Variants in TAPT1 observed in about 807,000 individuals in gnomAD.
The protein encoded by TAPT1 is transmembrane anterior posterior transformation protein 1 homolog.
A neutral mutation model predicts 65.6 loss-of-function variants in TAPT1; 28 were observed. That is an observed-to-expected ratio of 0.43 (90% CI 0.32 to 0.59). TAPT1 has a LOEUF of 0.59. Among genes scored for constraint, TAPT1 ranks in the 20% least tolerant of loss-of-function variants. The probability of loss-of-function intolerance (pLI) is 0.09; values close to 1 mark genes in which losing one functional copy is unlikely to be tolerated. For missense variants in TAPT1, 563 were observed against 679.9 expected, an observed-to-expected ratio of 0.83 and a Z score of 1.91; for synonymous variants, 278 against 245.2, an observed-to-expected ratio of 1.13 and a Z score of -1.25.
intron 7 of TAPT1, among the ~76,000 whole-genome samples, chr4:16,180,349 T>C (rs1428579290): frequency 1.3e-5 from 2 of 152,222 alleles, no homozygotes; most frequent in African/African-American, 2.4e-5. Context: ...TAGTCTAAGA[T>C]ACCGTGTAAC....
chr4:16,166,824 G>A (rs370320387), intron 12 of TAPT1, 31 bp from the exon 13 acceptor site: 162 of 1,608,144 alleles, frequency 1.0e-4, no homozygotes, highest in Middle Eastern at 1.6e-4. Flanking sequence ...AACCACATCC[G>A]TTGGAATTCA....
At chr4:16,191,291 T>C in intron 4 of TAPT1, 70 bp downstream of exon 4, 1 of 1,458,192 alleles carries the variant, frequency 6.9e-7, no homozygotes, top group Non-Finnish European at 9.2e-7. Context: ...GACTCTCAGG[T>C]ACCTTCAGAA....
upstream of TAPT1, chr4:16,227,015 C>G (rs1460089678): frequency 6.6e-6 from 3 of 452,382 alleles, no homozygotes; most frequent in African/African-American, 2.0e-5. Flanking sequence ...GGGCCCGGCT[C>G]CAGATCACCG....
At chr4:16,197,819 A>C (rs1187482863) in intron 3 of TAPT1, among the ~76,000 whole-genome samples, 2 of 152,218 alleles carry the variant, frequency 1.3e-5, no homozygotes, top group African/African-American at 4.8e-5. Flanking sequence ...ACATAAGTGA[A>C]TCTGCTTTTA....
intron 9 of TAPT1, among the ~76,000 whole-genome samples, chr4:16,175,846 A>C (rs1383517916): frequency 6.6e-6 from 1 of 152,204 alleles, no homozygotes; most frequent in Non-Finnish European, 1.5e-5. Context: ...AAGTCTTTAA[A>C]CAGATTATGA....
intron 1 of TAPT1, among the ~76,000 whole-genome samples, chr4:16,222,953 T>TC (rs2108902851): frequency 6.6e-6 from 1 of 152,300 alleles, no homozygotes; most frequent in South Asian, 2.1e-4. Flanking sequence ...GCAATACCTA[T>TC]CCCCATGCAT....
At chr4:16,171,622 G>C (rs893370582) in intron 11 of TAPT1, among the ~76,000 whole-genome samples, 7 of 152,030 alleles carry the variant, frequency 4.6e-5, no homozygotes, top group African/African-American at 9.7e-5. Context: ...GGAAGAGCTG[G>C]GGCAATGGCT....
Position 16,188,490 on chromosome 4 carries a change from T to A in TAPT1, c.613-135A>T, listed in dbSNP as rs1578439578. ...AAGGCAAGCTAAAGAGGAGTGAGGA[T>A]CTTTGTTTACTTATTCACTCACATT... is the stretch of plus-strand genomic sequence containing the variant. On this transcript the variant is annotated intron_variant, in intron 4 of 13. Coordinates refer to ENST00000405303, the MANE Select transcript of TAPT1 (RefSeq NM_153365.3). 1.9e-5 allele frequency: 12 copies of A among 626,912 alleles called. No individual in the cohort carries two copies. The East Asian group carries it at 3.3e-4, about 17-fold the overall frequency. 38.8% of individuals were successfully genotyped at this position (626,912 alleles called of 1,614,324 possible). A position where few individuals can be genotyped will look rare whatever the true frequency, so the allele number is the denominator to read the frequency against.
At chr4:16,180,676 T>A (rs1748660608) in intron 7 of TAPT1, among the ~76,000 whole-genome samples, 1 of 152,196 alleles carries the variant, frequency 6.6e-6, no homozygotes, top group Non-Finnish European at 1.5e-5. Flanking sequence ...AGCAACATGA[T>A]ACAAACTTTT....
chr4:16,187,354 G>C (rs1412968219), intron 5 of TAPT1, among the ~76,000 whole-genome samples: 2 of 152,174 alleles, frequency 1.3e-5, no homozygotes, highest in African/African-American at 4.8e-5. Flanking sequence ...AGGAAATGTG[G>C]AATGTAAGGC....
chr4:16,185,129 A>G (rs1400153667), intron 7 of TAPT1, among the ~76,000 whole-genome samples: 2 of 150,274 alleles, frequency 1.3e-5, no homozygotes, highest in Admixed American at 1.3e-4. Flanking sequence ...CTATGAATTA[A>G]TTTTCTTGGG....
intron 12 of TAPT1, among the ~76,000 whole-genome samples, chr4:16,167,968 CTAGATACCTATGACTA>C (rs1747748140): frequency 6.6e-6 from 1 of 152,062 alleles, no homozygotes; most frequent in African/African-American, 2.4e-5. Context: ...CTTAGGATAC[CTAGATACCTATGACTA>C]CAGAAATAAA....
chr4:16,189,423 C>A (rs1328080225), intron 4 of TAPT1, among the ~76,000 whole-genome samples: 1 of 152,222 alleles, frequency 6.6e-6, no homozygotes, highest in Non-Finnish European at 1.5e-5. Context: ...AGATGCTTGG[C>A]ATGCAGCAAG....
intron 2 of TAPT1, among the ~76,000 whole-genome samples, chr4:16,212,812 A>G (rs1249550340): frequency 6.6e-6 from 1 of 152,256 alleles, no homozygotes; most frequent in Non-Finnish European, 1.5e-5. Flanking sequence ...ACGCTTCACC[A>G]AGAACCTACA....
chr4:16,191,242 G>A, intron 4 of TAPT1, 119 bp downstream of exon 4: 1 of 1,059,336 alleles, frequency 9.4e-7, no homozygotes, highest in Admixed American at 2.8e-5. Flanking sequence ...GCACAGTAAA[G>A]GCCAGAAGCA....
At chr4:16,201,911 G>A (rs948246154) in intron 3 of TAPT1, among the ~76,000 whole-genome samples, 3 of 152,098 alleles carry the variant, frequency 2.0e-5, no homozygotes, top group Admixed American at 2.0e-4. Flanking sequence ...GATCTTCCCC[G>A]TGGGGACAAT....
intron 5 of TAPT1, among the ~76,000 whole-genome samples, chr4:16,187,097 A>C (rs1443517422): frequency 6.6e-6 from 1 of 152,174 alleles, no homozygotes; most frequent in South Asian, 2.1e-4. Flanking sequence ...ATGTACCTCT[A>C]TGCATTCATT....
intron 5 of TAPT1, among the ~76,000 whole-genome samples, chr4:16,187,680 A>AT (rs1269176983): frequency 1.3e-5 from 2 of 152,142 alleles, no homozygotes; most frequent in Non-Finnish European, 2.9e-5. Context: ...GTGTGTATAA[A>AT]TATGTAGGGG....
At chr4:16,186,482 G>T (rs763830957) in intron 7 of TAPT1, 53 bp downstream of exon 7, 16 of 1,217,418 alleles carry the variant, frequency 1.3e-5, no homozygotes, top group Admixed American at 4.6e-5. Flanking sequence ...ATTTCAGAAT[G>T]AACTGCAAAA....
Sources: allele counts gnomAD v4.1 joint callset (sites outside exome capture counted in the v4.1 genomes callset), GRCh38; gene constraint gnomAD v4.1.1; transcripts MANE v1.5; gene names NCBI Gene and HGNC (gene_info 2026-07-23, HGNC 2026-07-21).